GMPR: variants seen among roughly 807,000 people sequenced by gnomAD.
GMPR encodes the protein GMP reductase 1.
In GMPR, 31 loss-of-function variants were observed where a neutral mutation model predicts 38.4. The observed-to-expected ratio is 0.81, with a 90% CI of 0.61 to 1.09. The LOEUF is 1.09. GMPR is among the 50% of genes least tolerant of loss of function. The pLI is 0.00. For synonymous variants in GMPR, 162 were observed against 173.3 expected (o/e 0.93, Z 0.51); for missense variants, 468 against 453.7 (o/e 1.03, Z -0.29).
Position 16,276,646 on chromosome 6 carries a change from G to A in GMPR, c.548-2138G>A, listed in dbSNP as rs78330883. Among the ~76,000 whole-genome samples the A allele has an allele frequency of 1.3e-3, 198 of 152,272 alleles. 2 individuals carry two copies. The East Asian group carries it at 0.035, about 27-fold the overall frequency. ...CAGATGTGACTAAAGAGAATAAGGG[G>A]CTTTCTCTGAGCCCAATGCATGGGA... is the stretch of plus-strand genomic sequence containing the variant. On this transcript the variant is annotated intron_variant, in intron 5 of 8. Coordinates refer to ENST00000259727, the MANE Select transcript of GMPR (RefSeq NM_006877.4).
intron 1 of GMPR, among the ~76,000 whole-genome samples, chr6:16,243,227 G>A (rs1037675738): frequency 6.6e-6 from 1 of 152,242 alleles, no homozygotes; most frequent in Admixed American, 6.5e-5. Flanking sequence ...CAAAGGTGGT[G>A]ATTCATGAAG....
intron 8 of GMPR, 29 bp downstream of exon 8, chr6:16,290,650 C>G: frequency 6.3e-7 from 1 of 1,599,738 alleles, no homozygotes; most frequent in South Asian, 1.1e-5. Context: ...GGCGCACCCT[C>G]GAGGCCTGGC....
chr6:16,266,962 C>T (rs1348006037), intron 4 of GMPR, among the ~76,000 whole-genome samples: 4 of 151,186 alleles, frequency 2.6e-5, no homozygotes, highest in East Asian at 2.0e-4. Context: ...CTGAAGTCGG[C>T]GTAGACCATG....
At chr6:16,267,229 G>A (rs1026150900) in intron 4 of GMPR, among the ~76,000 whole-genome samples, 9 of 152,170 alleles carry the variant, frequency 5.9e-5, no homozygotes, top group Admixed American at 2.6e-4. Context: ...AAAATTAGTC[G>A]GGTGCAGTGG....
chr6:16,243,006 G>A (rs1367580598), intron 1 of GMPR, among the ~76,000 whole-genome samples: 1 of 152,054 alleles, frequency 6.6e-6, no homozygotes, highest in East Asian at 1.9e-4. Context: ...CATCTGCAAT[G>A]ACTCTGTTAA....
At chr6:16,281,928 CTTG>C in intron 6 of GMPR, among the ~76,000 whole-genome samples, 1 of 152,308 alleles carries the variant, frequency 6.6e-6, no homozygotes, top group South Asian at 2.1e-4. Context: ...CAGCTCAGTC[CTTG>C]TAAGCAGCTG....
At chr6:16,242,908 G>T (rs758764687) in intron 1 of GMPR, among the ~76,000 whole-genome samples, 38 of 152,116 alleles carry the variant, frequency 2.5e-4, no homozygotes, top group Admixed American at 3.3e-4. Context: ...AAAGTGCTGG[G>T]ATTATGTGCC....
At chr6:16,291,717 C>G (rs1442909265) in intron 8 of GMPR, among the ~76,000 whole-genome samples, 1 of 152,022 alleles carries the variant, frequency 6.6e-6, no homozygotes, top group African/African-American at 2.4e-5. Context: ...TCCAGATGAG[C>G]CTAGGCAACA....
At chr6:16,294,535 C>A (rs996444151) in intron 8 of GMPR, among the ~76,000 whole-genome samples, 1 of 152,118 alleles carries the variant, frequency 6.6e-6, no homozygotes, top group Non-Finnish European at 1.5e-5. Flanking sequence ...CTGTTGTTGA[C>A]GTAGGAGGAC....
intron 8 of GMPR, among the ~76,000 whole-genome samples, chr6:16,290,976 T>G (rs1759830935): frequency 6.6e-6 from 1 of 152,180 alleles, no homozygotes. Context: ...ATCTCTGGCT[T>G]GAGAAGAGTT....
chr6:16,285,512 C>T (rs532105472), intron 6 of GMPR, among the ~76,000 whole-genome samples: 1 of 152,338 alleles, frequency 6.6e-6, no homozygotes, highest in South Asian at 2.1e-4. Flanking sequence ...TCCTGCTCTG[C>T]AACAGAAGTG....
At chr6:16,277,395 C>T (rs1759491478) in intron 5 of GMPR, among the ~76,000 whole-genome samples, 1 of 152,154 alleles carries the variant, frequency 6.6e-6, no homozygotes, top group African/African-American at 2.4e-5. Context: ...GGAGATTAGG[C>T]TGCGCCTCAA....
intron 4 of GMPR, among the ~76,000 whole-genome samples, chr6:16,266,334 G>A (rs1447394685): frequency 6.7e-6 from 1 of 149,978 alleles, no homozygotes; most frequent in Non-Finnish European, 1.5e-5. Flanking sequence ...AACAACTCTG[G>A]GTGCGCCACC....
chr6:16,295,028 G>T lies in GMPR; in HGVS notation c.880G>T (p.Glu294Ter). 2 of 1,609,414 alleles carry T rather than the reference G, an allele frequency of 1.2e-6. No homozygotes were observed. Among genetic ancestry groups the T allele is most frequent in the South Asian group, 2.2e-5 (2 of 90,862 alleles). ...EYRASEGKTV[E>*]VPYKGDVENT... ...CAGAGCCTCTGAGGGTAAGACTGTG[G>T]AAGTTCCTTACAAAGGAGATGTGGA... Residue 294 changes from glutamate (E) to a stop codon, truncating the protein, a stop_gained, in exon 9 of 9, where the codon GAA (glutamate) becomes TAA (stop). Coordinates refer to ENST00000259727, the MANE Select transcript of GMPR (RefSeq NM_006877.4). LOFTEE classifies it high-confidence loss of function.
Position 16,238,762 on chromosome 6 carries a change from C to T in GMPR, c.69C>T (p.Ser23=), listed in dbSNP as rs1300359724. Residue 23 remains serine (S), a synonymous_variant, in exon 1 of 9, where the codon AGC becomes AGT. Transcript: ENST00000259727. ...KDVLLRPKRS[S]LKSRAEVDLE... is the part of the protein sequence containing the mutation. ...TCCTGCTCCGACCTAAGCGGAGCAG[C>T]CTCAAGAGCCGAGCCGAGGTGGGGG... is the stretch of plus-strand genomic sequence containing the variant. The T allele has an allele frequency of 2.1e-6, 3 of 1,462,230 alleles. No homozygotes were observed. Among genetic ancestry groups the T allele is most frequent in the Non-Finnish European group, 1.8e-6 (2 of 1,091,880 alleles). 90.6% of individuals were successfully genotyped at this position (1,462,230 alleles called of 1,614,324 possible).
intron 2 of GMPR, among the ~76,000 whole-genome samples, chr6:16,249,031 T>C (rs951143514): frequency 6.6e-6 from 1 of 152,186 alleles, no homozygotes; most frequent in Non-Finnish European, 1.5e-5. Flanking sequence ...AAGTTGTAGA[T>C]GGGGACATAG....
intron 2 of GMPR, 67 bp from the exon 3 acceptor site, chr6:16,250,217 C>A (rs1758842731): frequency 2.3e-6 from 2 of 857,904 alleles, no homozygotes; most frequent in Non-Finnish European, 4.1e-6. Flanking sequence ...ATCACCACCT[C>A]CAGATGGAGG....
chr6:16,290,365 G>GGGA (rs1350196402), intron 7 of GMPR, 97 bp from the exon 8 acceptor site: 32 of 1,039,828 alleles, frequency 3.1e-5, no homozygotes, highest in Non-Finnish European at 3.7e-5. Flanking sequence ...TGGGCGGGGA[G>GGGA]GGAGGTGAAC....
At chr6:16,289,612 A>G (rs536618821) in intron 7 of GMPR, 1 of 152,318 alleles carries the variant, frequency 6.6e-6, no homozygotes, top group South Asian at 2.1e-4. Flanking sequence ...TCTAATGTGC[A>G]GCAGCATGGT....
Sources: allele counts gnomAD v4.1 joint callset (sites outside exome capture counted in the v4.1 genomes callset), GRCh38; gene constraint gnomAD v4.1.1; transcripts MANE v1.5; gene names NCBI Gene and HGNC (gene_info 2026-07-23, HGNC 2026-07-21).